COL21A1: variants seen among roughly 807,000 people sequenced by gnomAD.
The protein encoded by COL21A1 is collagen alpha-1(XXI) chain.
Under a neutral mutation model 137.9 loss-of-function variants are expected in COL21A1, and 149 were observed. The ratio of observed to expected loss-of-function variants is 1.08; its 90% CI spans 0.95 to 1.24. COL21A1 has a LOEUF of 1.24. Ranked by LOEUF, COL21A1 falls within the 50% of genes most tolerant of loss-of-function variation. The probability of loss-of-function intolerance (pLI) is 0.00; values close to 1 mark genes in which losing one functional copy is unlikely to be tolerated. For synonymous variants in COL21A1, 456 were observed against 391.5 expected (o/e 1.16, Z -1.95); for missense variants, 1,167 against 1,158.4 (o/e 1.01, Z -0.11).
chr6:56,130,211 A>ATATAT (rs1561898497), intron 12 of COL21A1, among the ~76,000 whole-genome samples: 5 of 32,480 alleles, frequency 1.5e-4, no homozygotes, highest in Admixed American at 5.2e-4. Flanking sequence ...ATATATATAT[A>ATATAT]AAATTTCAAA....
chr6:56,097,147 T>C (rs1011009391), intron 17 of COL21A1, among the ~76,000 whole-genome samples: 46 of 152,166 alleles, frequency 3.0e-4, no homozygotes, highest in African/African-American at 1.0e-3. Context: ...ATGCATTTCC[T>C]GGCATAGGAA....
Position 56,098,606 on chromosome 6 carries a change from A to T in COL21A1, c.1812+2866T>A, listed in dbSNP as rs13217225. 3.9e-3 allele frequency among the ~76,000 whole-genome samples: 12 copies of T among 3,052 alleles called. 3 individuals are homozygous for T. The highest frequency in any genetic ancestry group is 5.8e-3 in the Non-Finnish European group (8 of 1,384). The allele number at this position is 3,052 out of a possible 152,430, so 2.0% of individuals were successfully genotyped here. A position where few individuals can be genotyped will look rare whatever the true frequency, so the allele number is the denominator to read the frequency against. On this transcript the variant is annotated intron_variant, in intron 17 of 29. Transcript: ENST00000244728. Reference sequence around the variant, plus strand: ...ATATAAATATATAAATATATATATAAATATATATAAATATATATAAATATA... The same window carrying T: ...ATATAAATATATAAATATATATATATATATATATAAATATATATAAATATA...
At chr6:56,184,478 A>C (rs1016722006) in intron 1 of COL21A1, among the ~76,000 whole-genome samples, 1 of 152,192 alleles carries the variant, frequency 6.6e-6, no homozygotes, top group African/African-American at 2.4e-5. Flanking sequence ...AATAATGTGA[A>C]GTTTTAATAT....
chr6:56,064,610 C>T lies in COL21A1; in HGVS notation c.2140G>A (p.Glu714Lys). The change falls in exon 24 of 30, where the codon GAA becomes AAA. Residue 714 changes from glutamate (E) to lysine (K), a missense_variant. Glu to Lys is a moderately conservative substitution (Grantham distance 56, BLOSUM62 1). Coordinates refer to ENST00000244728, the MANE Select transcript of COL21A1 (RefSeq NM_030820.4). ...CCTGGAATTCCCTGTCTTCCATTTT[C>T]TCCCTTTTGACCCTTTAAAATAAAA... ...GEKGIQGQKG[E>K]NGRQGIPGQQ... 6.3e-7 allele frequency: 1 copy of T among 1,592,536 alleles called. No homozygotes were observed. The highest frequency in any genetic ancestry group is 1.1e-5 in the South Asian group (1 of 87,874).
chr6:56,380,160 A>G (rs919031271), intron 1 of COL21A1, among the ~76,000 whole-genome samples: 2 of 152,086 alleles, frequency 1.3e-5, no homozygotes, highest in Admixed American at 1.3e-4. Flanking sequence ...ACAAGACCCT[A>G]GCACCTCCTC....
intron 17 of COL21A1, among the ~76,000 whole-genome samples, chr6:56,093,079 A>G (rs1173257411): frequency 6.6e-6 from 1 of 152,116 alleles, no homozygotes; most frequent in East Asian, 1.9e-4. Context: ...TTTAGGGTCC[A>G]CTGGGATAAG....
chr6:56,227,541 G>A (rs1012689605), intron 1 of COL21A1, among the ~76,000 whole-genome samples: 2 of 152,004 alleles, frequency 1.3e-5, no homozygotes, highest in African/African-American at 2.4e-5. Flanking sequence ...TGTCTTGACA[G>A]TTGGTTCTGA....
intron 1 of COL21A1, among the ~76,000 whole-genome samples, chr6:56,183,921 G>A (rs146832961): frequency 3.9e-5 from 6 of 152,026 alleles, no homozygotes; most frequent in African/African-American, 1.2e-4. Flanking sequence ...TTTATGCAAC[G>A]GGTTTACCTG....
intron 1 of COL21A1, among the ~76,000 whole-genome samples, chr6:56,377,942 G>C (rs1354023756): frequency 6.6e-6 from 1 of 152,120 alleles, no homozygotes; most frequent in Non-Finnish European, 1.5e-5. Flanking sequence ...CCTAGCTCCT[G>C]AACAACATTC....
intron 20 of COL21A1, 117 bp from the exon 21 acceptor site, chr6:56,070,915 T>A: frequency 1.2e-6 from 1 of 804,986 alleles, no homozygotes. Flanking sequence ...ACTTTCCGAT[T>A]GTTTGATAGA....
intron 17 of COL21A1, among the ~76,000 whole-genome samples, chr6:56,085,305 T>C (rs1768135870): frequency 6.6e-6 from 1 of 152,104 alleles, no homozygotes; most frequent in Non-Finnish European, 1.5e-5. Context: ...TTTACCTCTC[T>C]CATATAAGCA....
intron 1 of COL21A1, among the ~76,000 whole-genome samples, chr6:56,220,499 T>A (rs532622505): frequency 6.6e-6 from 1 of 152,290 alleles, no homozygotes; most frequent in African/African-American, 2.4e-5. Context: ...TGCTAAAGAC[T>A]TGTGAAAAAC....
chr6:56,171,046 T>A lies in COL21A1; in HGVS notation c.723A>T (p.Lys241Asn). ...AAAGCTGTATTCTTTTCTTAACCTT[T>A]TTATTTACATCTAAACCTAAAAGAA... ...FDILLGLDVN[K>N]KVKKRIQLSP... The change falls in exon 4 of 30, where the codon AAA (lysine) becomes AAT (asparagine). Residue 241 changes from lysine to asparagine, a missense_variant. Physicochemically the swap from Lys to Asn is moderately conservative, Grantham distance 94. Transcript: ENST00000244728. 1 of 1,609,428 alleles carries A rather than the reference T, an allele frequency of 6.2e-7. No individual in the cohort carries two copies. Among genetic ancestry groups the A allele is most frequent in the Non-Finnish European group, 8.5e-7 (1 of 1,178,058 alleles).
At chr6:56,352,316 G>A (rs980598375) in intron 1 of COL21A1, among the ~76,000 whole-genome samples, 15 of 152,018 alleles carry the variant, frequency 9.9e-5, no homozygotes, top group African/African-American at 3.6e-4. Context: ...CCACATAGTC[G>A]GTCTTGTGGA....
At chr6:56,305,664 C>T (rs148641679) in intron 1 of COL21A1, among the ~76,000 whole-genome samples, 12,583 of 152,236 alleles carry the variant, frequency 0.083, 571 homozygotes, top group Middle Eastern at 0.14. Context: ...ATACAACACA[C>T]TGATGGGTCT....
intron 21 of COL21A1, among the ~76,000 whole-genome samples, 190 bp from the exon 22 acceptor site, chr6:56,069,307 T>A (rs1766530610): frequency 6.6e-6 from 1 of 151,626 alleles, no homozygotes; most frequent in African/African-American, 2.4e-5. Context: ...TTTTTCTCTA[T>A]CTTTTCCAGT....
At chr6:56,305,545 A>G (rs1230663067) in intron 1 of COL21A1, among the ~76,000 whole-genome samples, 1 of 152,262 alleles carries the variant, frequency 6.6e-6, no homozygotes, top group Non-Finnish European at 1.5e-5. Context: ...ATCAGAGACT[A>G]GGATTGCAAC....
At chr6:56,293,690 T>A (rs781755113) in intron 1 of COL21A1, among the ~76,000 whole-genome samples, 1 of 152,144 alleles carries the variant, frequency 6.6e-6, no homozygotes, top group African/African-American at 2.4e-5. Flanking sequence ...CTTATGGGAA[T>A]CTTGATTTAA....
At chr6:56,350,120 A>C (rs1018546720) in intron 1 of COL21A1, among the ~76,000 whole-genome samples, 11 of 152,206 alleles carry the variant, frequency 7.2e-5, no homozygotes, top group African/African-American at 2.7e-4. Flanking sequence ...AATTCAGAAC[A>C]TGGCCCCCAG....
Sources: allele counts gnomAD v4.1 joint callset (sites outside exome capture counted in the v4.1 genomes callset), GRCh38; gene constraint gnomAD v4.1.1; transcripts MANE v1.5; gene names NCBI Gene and HGNC (gene_info 2026-07-23, HGNC 2026-07-21).